AKT3: variants seen among roughly 807,000 people sequenced by gnomAD.
AKT3 encodes the protein RAC-gamma serine/threonine-protein kinase.
A neutral mutation model predicts 65.3 loss-of-function variants in AKT3; 15 were observed. That is an observed-to-expected ratio of 0.23 (90% CI 0.15 to 0.35). The LOEUF (loss-of-function observed/expected upper bound fraction) is 0.35. Among genes scored for constraint, AKT3 ranks in the 10% least tolerant of loss-of-function variants. The pLI is 1.00. For missense variants in AKT3, 243 were observed against 576.5 expected (o/e 0.42, Z 5.92); for synonymous variants, 206 against 183.8 (o/e 1.12, Z -0.98).
intron 2 of AKT3, among the ~76,000 whole-genome samples, chr1:243,796,493 TCTCA>T (rs1692013692): frequency 6.6e-6 from 1 of 152,184 alleles, no homozygotes; most frequent in Admixed American, 6.5e-5. Flanking sequence ...ATAAGCAGCT[TCTCA>T]CTCCACTTAA....
At chr1:243,742,195 C>T (rs1457821787) in intron 2 of AKT3, among the ~76,000 whole-genome samples, 5 of 152,032 alleles carry the variant, frequency 3.3e-5, no homozygotes, top group African/African-American at 1.2e-4. Context: ...CCTGTGGATA[C>T]CAAGGGGCCA....
intron 2 of AKT3, among the ~76,000 whole-genome samples, chr1:243,777,075 C>T (rs985570334): frequency 6.6e-6 from 1 of 151,996 alleles, no homozygotes; most frequent in African/African-American, 2.4e-5. Context: ...AAGGCAAACA[C>T]TTTAACAGCA....
intron 4 of AKT3, among the ~76,000 whole-genome samples, chr1:243,646,908 T>C (rs1172843779): frequency 6.6e-6 from 1 of 152,228 alleles, no homozygotes. Flanking sequence ...CAAGCATTTA[T>C]TTTTTGACAT....
At chr1:243,585,108 A>G (rs1276955899) in intron 8 of AKT3, among the ~76,000 whole-genome samples, 1 of 152,090 alleles carries the variant, frequency 6.6e-6, no homozygotes, top group Non-Finnish European at 1.5e-5. Context: ...TACTGATAAC[A>G]TCCAAGCTGA....
intron 12 of AKT3, among the ~76,000 whole-genome samples, chr1:243,522,936 C>T (rs892011924): frequency 6.6e-6 from 1 of 152,118 alleles, no homozygotes; most frequent in African/African-American, 2.4e-5. Context: ...GCCACAGCCA[C>T]TCTCTTAATA....
chr1:243,518,154 C>T (rs1670483338), intron 12 of AKT3, among the ~76,000 whole-genome samples: 3 of 152,196 alleles, frequency 2.0e-5, no homozygotes, highest in African/African-American at 7.2e-5. Context: ...TGAATGAAAA[C>T]TACTTTTGCT....
chr1:243,528,008 A>C (rs983389845), intron 12 of AKT3, among the ~76,000 whole-genome samples: 1 of 151,848 alleles, frequency 6.6e-6, no homozygotes, highest in Non-Finnish European at 1.5e-5. Context: ...CCTAAATACC[A>C]TAACTTTCTG....
chr1:243,806,978 G>GC (rs1692767109), intron 2 of AKT3, among the ~76,000 whole-genome samples: 1 of 152,102 alleles, frequency 6.6e-6, no homozygotes, highest in Non-Finnish European at 1.5e-5. Flanking sequence ...ACTGATTCAG[G>GC]CAATATCATC....
In AKT3 at chr1:243,785,300, G is replaced by C. The variant is rs537588086; in HGVS notation, c.46+57825C>G. ...TCACCGTGTTAGTCAGGATGGTCTC[G>C]ATCTCCTGACCTTGCGATCTGCCCG... On this transcript the variant is annotated intron_variant, in intron 2 of 13. Transcript: ENST00000673466. 4.7e-5 allele frequency among the ~76,000 whole-genome samples: 7 copies of C among 150,058 alleles called. No individual in the cohort carries two copies. The South Asian group carries it at 8.4e-4, about 18-fold the overall frequency.
intron 12 of AKT3, among the ~76,000 whole-genome samples, chr1:243,540,761 A>G (rs540108126): frequency 6.6e-6 from 1 of 152,112 alleles, no homozygotes; most frequent in African/African-American, 2.4e-5. Context: ...AGTCTCTCCA[A>G]TCTATGAGTG....
chr1:243,535,217 A>G (rs1048556636), intron 12 of AKT3, among the ~76,000 whole-genome samples: 1 of 151,012 alleles, frequency 6.6e-6, no homozygotes, highest in Non-Finnish European at 1.5e-5. Context: ...TTATTTTAAA[A>G]TATATTTTAA....
At chr1:243,753,445 A>G (rs1408403727) in intron 2 of AKT3, among the ~76,000 whole-genome samples, 2 of 152,168 alleles carry the variant, frequency 1.3e-5, no homozygotes, top group Non-Finnish European at 2.9e-5. Context: ...TAGTATCTTC[A>G]AAATTGACCT....
intron 2 of AKT3, chr1:243,818,211 C>T (rs1255673216): frequency 6.6e-6 from 1 of 152,202 alleles, no homozygotes; most frequent in Non-Finnish European, 1.5e-5. Context: ...TTATGGAACA[C>T]TTACTATGTA....
At chr1:243,612,114 T>A (rs925336384) in intron 8 of AKT3, among the ~76,000 whole-genome samples, 1 of 152,056 alleles carries the variant, frequency 6.6e-6, no homozygotes, top group African/African-American at 2.4e-5. Flanking sequence ...TTTTGATTTT[T>A]TTTTTTTTAT....
intron 2 of AKT3, among the ~76,000 whole-genome samples, chr1:243,803,946 G>A (rs746584420): frequency 2.0e-5 from 3 of 152,162 alleles, no homozygotes; most frequent in East Asian, 1.9e-4. Context: ...ACAGTGAGCC[G>A]TGATGACGTT....
chr1:243,723,002 A>G (rs1204035719), intron 2 of AKT3, among the ~76,000 whole-genome samples: 1 of 152,242 alleles, frequency 6.6e-6, no homozygotes, highest in Non-Finnish European at 1.5e-5. Flanking sequence ...ACAAGTAATA[A>G]TAAGGTCTGA....
At chr1:243,541,932 A>G (rs541196628) in intron 12 of AKT3, among the ~76,000 whole-genome samples, 2 of 152,340 alleles carry the variant, frequency 1.3e-5, no homozygotes, top group African/African-American at 4.8e-5. Context: ...TTTAAATATC[A>G]TTTCCCTTGG....
At chr1:243,842,021 C>G (rs893779333) in intron 2 of AKT3, among the ~76,000 whole-genome samples, 3 of 152,014 alleles carry the variant, frequency 2.0e-5, no homozygotes, top group Non-Finnish European at 2.9e-5. Flanking sequence ...GACTGGGCTG[C>G]AAGGGAGAAC....
chr1:243,578,426 C>T (rs768622150), intron 8 of AKT3, among the ~76,000 whole-genome samples: 4 of 152,092 alleles, frequency 2.6e-5, no homozygotes, highest in Non-Finnish European at 5.9e-5. Flanking sequence ...AGCAAACTAA[C>T]GCAGGAACAG....
Sources: gnomAD v4.1 joint callset for allele counts (sites outside exome capture counted in the v4.1 genomes callset) on GRCh38, gnomAD v4.1.1 for gene constraint, MANE v1.5 for transcripts, NCBI Gene and HGNC (gene_info 2026-07-23, HGNC 2026-07-21) for gene names.